The following TMEM132D variants were observed in gnomAD, a reference collection of about 807,000 sequenced individuals.
The protein encoded by TMEM132D is mature OL transmembrane protein.
TMEM132D carries 21 observed loss-of-function variants against 62.3 expected under a neutral mutation model. That is an observed-to-expected ratio of 0.34 (90% CI 0.24 to 0.49). The LOEUF is 0.49. TMEM132D is among the 20% of genes least tolerant of loss of function. The probability of loss-of-function intolerance (pLI) is 0.99; values close to 1 mark genes in which losing one functional copy is unlikely to be tolerated. For synonymous variants in TMEM132D, 621 were observed against 575.6 expected (o/e 1.08, Z -1.13); for missense variants, 1,346 against 1,402.8 (o/e 0.96, Z 0.65).
At chr12:129,185,731 A>C (rs986995084) in intron 5 of TMEM132D, among the ~76,000 whole-genome samples, 1 of 142,510 alleles carries the variant, frequency 7.0e-6, no homozygotes, top group Non-Finnish European at 1.6e-5. Context: ...CTATCTGTCT[A>C]TCTATCTATC....
intron 5 of TMEM132D, among the ~76,000 whole-genome samples, chr12:129,134,088 ATG>A (rs909514916): frequency 1.0e-4 from 15 of 144,986 alleles, no homozygotes; most frequent in South Asian, 6.7e-4. Flanking sequence ...TGTGTGTTGT[ATG>A]TGTGTGTGTG....
intron 1 of TMEM132D, among the ~76,000 whole-genome samples, chr12:129,784,862 C>A (rs895699206): frequency 1.3e-5 from 2 of 152,154 alleles, no homozygotes; most frequent in African/African-American, 2.4e-5. Flanking sequence ...TATAAAATGT[C>A]ACGCTGAATG....
chr12:129,903,305 T>A lies in TMEM132D; in HGVS notation c.35A>T (p.His12Leu), dbSNP rs142888394. 15,148 of 1,554,552 alleles carry A rather than the reference T, an allele frequency of 9.7e-3. 105 individuals carry two copies. The highest frequency in any genetic ancestry group is 0.014 in the South Asian group (1,195 of 84,202). Residue 12 changes from histidine (H) to leucine (L), a missense_variant, in exon 1 of 9, where the codon CAC (histidine) becomes CTC (leucine). By Grantham distance (99) the His-to-Leu change is moderately conservative. Transcript: ENST00000422113. The surrounding 1 kb of genome is among the most constrained non-coding windows in gnomAD (Gnocchi z 6.2). ...CPSEMGTLWHHWSPVLISLAA... is the reference protein window; with the variant it reads ...CPSEMGTLWHLWSPVLISLAA... ...CAGGCTGATGAGTACCGGCGACCAG[T>A]GGTGCCACAGCGTCCCCATCTCAGA...
At chr12:129,303,059 C>T (rs1881762329) in intron 4 of TMEM132D, among the ~76,000 whole-genome samples, 1 of 152,184 alleles carries the variant, frequency 6.6e-6, no homozygotes, top group Admixed American at 6.5e-5. Flanking sequence ...GTGTTCAATC[C>T]ATCAGCAAGC....
At chr12:129,886,356 C>CTG (rs1045695697) in intron 1 of TMEM132D, among the ~76,000 whole-genome samples, 2 of 152,024 alleles carry the variant, frequency 1.3e-5, no homozygotes, top group African/African-American at 4.8e-5. Context: ...AATCAAAGAA[C>CTG]TGTGTGTGAG....
At chr12:129,263,855 G>A (rs1364358475) in intron 4 of TMEM132D, among the ~76,000 whole-genome samples, 2 of 152,014 alleles carry the variant, frequency 1.3e-5, no homozygotes, top group African/African-American at 4.8e-5. Flanking sequence ...GATGGGAAGT[G>A]TATTCAGTAC....
At chr12:129,566,438 A>AC (rs1555218666) in intron 2 of TMEM132D, among the ~76,000 whole-genome samples, 1 of 151,990 alleles carries the variant, frequency 6.6e-6, no homozygotes, top group African/African-American at 2.4e-5. Context: ...TTATAAAAAG[A>AC]GGGGGGTCAG....
At chr12:129,469,276 G>A (rs1874021464) in intron 3 of TMEM132D, among the ~76,000 whole-genome samples, 1 of 152,144 alleles carries the variant, frequency 6.6e-6, no homozygotes, top group Non-Finnish European at 1.5e-5. Flanking sequence ...TTCACTCATG[G>A]TAGACATTTC....
intron 2 of TMEM132D, among the ~76,000 whole-genome samples, chr12:129,582,895 G>A (rs542289271): frequency 6.1e-4 from 92 of 151,928 alleles, no homozygotes; most frequent in Admixed American, 1.3e-3. Context: ...AAAGTGCTGG[G>A]ATTATAGGCA....
intron 1 of TMEM132D, among the ~76,000 whole-genome samples, chr12:129,891,780 T>C (rs111766223): frequency 1.3e-5 from 2 of 152,330 alleles, no homozygotes; most frequent in African/African-American, 4.8e-5. Context: ...ATACTCATAA[T>C]ACATTTTTAA....
chr12:129,825,376 T>C (rs1160971212), intron 1 of TMEM132D, among the ~76,000 whole-genome samples: 1 of 152,082 alleles, frequency 6.6e-6, no homozygotes, highest in Non-Finnish European at 1.5e-5. Flanking sequence ...CAAGCTCCTC[T>C]CCCGTCCTCC....
At chr12:129,814,740 C>T (rs1235529252) in intron 1 of TMEM132D, among the ~76,000 whole-genome samples, 1 of 152,016 alleles carries the variant, frequency 6.6e-6, no homozygotes, top group Non-Finnish European at 1.5e-5. Flanking sequence ...GCTCTACTAA[C>T]TGAGCTCTAA....
intron 2 of TMEM132D, among the ~76,000 whole-genome samples, chr12:129,595,332 T>C (rs931357352): frequency 1.6e-4 from 24 of 152,294 alleles, no homozygotes; most frequent in African/African-American, 5.8e-4. Flanking sequence ...TACAGTGATG[T>C]GCAGAGATAT....
intron 3 of TMEM132D, among the ~76,000 whole-genome samples, chr12:129,528,210 A>C (rs1453164884): frequency 6.6e-6 from 1 of 152,132 alleles, no homozygotes; most frequent in African/African-American, 2.4e-5. Context: ...TCTATAATCC[A>C]TTTTCCAATT....
chr12:129,788,433 T>C (rs1399373317), intron 1 of TMEM132D, among the ~76,000 whole-genome samples: 1 of 152,232 alleles, frequency 6.6e-6, no homozygotes, highest in Non-Finnish European at 1.5e-5. Context: ...AATAAACCCA[T>C]GACCCTCTGA....
chr12:129,611,308 T>C (rs1345259526), intron 2 of TMEM132D, among the ~76,000 whole-genome samples: 1 of 152,218 alleles, frequency 6.6e-6, no homozygotes, highest in Non-Finnish European at 1.5e-5. Context: ...AGTGTATTTT[T>C]CATGGTAATT....
chr12:129,238,996 G>GGTTTTTTTTTTTTTT (rs374959544), intron 4 of TMEM132D, among the ~76,000 whole-genome samples: 1 of 133,046 alleles, frequency 7.5e-6, no homozygotes, highest in Non-Finnish European at 1.6e-5. Context: ...GTTATTTTCT[G>GGTTTTTTTTTTTTTT]TTTTTTTTTT....
intron 4 of TMEM132D, among the ~76,000 whole-genome samples, chr12:129,244,410 CAAA>C (rs1880034104): frequency 8.2e-6 from 1 of 122,324 alleles, no homozygotes; most frequent in South Asian, 2.7e-4. Context: ...AAAAAAAAAA[CAAA>C]CAAAAAGGAA....
intron 1 of TMEM132D, among the ~76,000 whole-genome samples, chr12:129,801,359 G>GCAT (rs1871775062): frequency 6.6e-6 from 1 of 150,544 alleles, no homozygotes; most frequent in Admixed American, 6.6e-5. Flanking sequence ...TGGGCAGACT[G>GCAT]CCTCAAGTGG....
Sources: gnomAD v4.1 joint callset for allele counts (sites outside exome capture counted in the v4.1 genomes callset) on GRCh38, gnomAD v4.1.1 for gene constraint, Gnocchi (gnomAD v3.1) non-coding constraint, MANE v1.5 for transcripts, NCBI Gene and HGNC (gene_info 2026-07-23, HGNC 2026-07-21) for gene names.